LILRA5: variants seen among roughly 807,000 people sequenced by gnomAD.
LILRA5 encodes the protein leukocyte immunoglobulin-like receptor subfamily A member 5.
Under a neutral mutation model 36.3 loss-of-function variants are expected in LILRA5, and 31 were observed. The observed-to-expected ratio is 0.85, with a 90% CI of 0.64 to 1.15. LILRA5 has a LOEUF of 1.15. Among genes scored for constraint, LILRA5 ranks in the 50% most tolerant of loss-of-function variants. The pLI, the probability that LILRA5 is intolerant of heterozygous loss-of-function variation, is 0.00. For synonymous variants in LILRA5, 144 were observed against 144.8 expected (o/e 0.99, Z 0.04); for missense variants, 348 against 377.4 (o/e 0.92, Z 0.64).
chr19:54,309,956 T>A (rs2080974672), intron 5 of LILRA5: 1 of 250,390 alleles, frequency 4.0e-6, no homozygotes, highest in Non-Finnish European at 7.9e-6. Flanking sequence ...GGCCTCCAGG[T>A]GAGCACAGGA....
chr19:54,310,701 TG>T, intron 5 of LILRA5: 1 of 334,028 alleles, frequency 3.0e-6, no homozygotes, highest in Non-Finnish European at 6.1e-6. Flanking sequence ...GAAGTCAGCC[TG>T]GGAGAGCCCA....
chr19:54,312,472 G>T, intron 2 of LILRA5, 65 bp downstream of exon 2: 1 of 1,613,834 alleles, frequency 6.2e-7, no homozygotes, highest in Non-Finnish European at 8.5e-7. Context: ...ATAGACAAGG[G>T]CCTCGTTATG....
At chr19:54,307,815 T>C in intron 5 of LILRA5, 67 bp from the exon 6 acceptor site, 1 of 1,349,610 alleles carries the variant, frequency 7.4e-7, no homozygotes, top group Non-Finnish European at 1.1e-6. Context: ...GCCTCTCCCC[T>C]GAGCTCTGCA....
Position 54,312,463 on chromosome 19 carries a change from T to C in LILRA5, c.88+74A>G. On this transcript the variant is annotated intron_variant, in intron 2 of 6. Coordinates refer to ENST00000432233, the MANE Select transcript of LILRA5 (RefSeq NM_021250.4). ...CTCCTAAAACCCTGGAGTTTCCTGA[T>C]AGACAAGGGCCTCGTTATGGGGTGG... 9 of 1,613,884 alleles carry C rather than the reference T, an allele frequency of 5.6e-6. No individual in the cohort carries two copies. The South Asian group carries it at 7.7e-5, about 14-fold the overall frequency.
In LILRA5 at chr19:54,312,351, C is replaced by A. The variant is rs970748760; in HGVS notation, c.108G>T (p.Arg36Ser). 2 of 1,614,102 alleles carry A rather than the reference C, an allele frequency of 1.2e-6. No individual in the cohort carries two copies. Among genetic ancestry groups the A allele is most frequent in the Non-Finnish European group, 1.7e-6 (2 of 1,180,052 alleles). The change falls in exon 3 of 7, where the codon AGG (arginine) becomes AGT (serine). Residue 36 changes from arginine to serine, a missense_variant. Physicochemically the swap from Arg to Ser is moderately radical, Grantham distance 110. Coordinates refer to ENST00000432233, the MANE Select transcript of LILRA5 (RefSeq NM_021250.4). The stretch of plus-strand genomic sequence containing the variant: ...CAGACTCACCTGCCTGCACGTGGGT[C>A]CTGGGGCCCAGACTCAGCCCTGGAA... Reference protein sequence around the residue: ...LLCLGLSLGPRTHVQAGNLSK... With the variant: ...LLCLGLSLGPSTHVQAGNLSK...
intron 1 of LILRA5, 172 bp downstream of exon 1, chr19:54,312,845 C>T (rs1036688753): frequency 2.3e-6 from 2 of 872,100 alleles, no homozygotes; most frequent in East Asian, 2.6e-5. Flanking sequence ...CCACTGTCTG[C>T]CTGATTTATC....
intron 5 of LILRA5, chr19:54,309,750 C>A (rs934022269): frequency 6.6e-6 from 1 of 152,414 alleles, no homozygotes; most frequent in Non-Finnish European, 1.5e-5. Flanking sequence ...ATCCATATAT[C>A]TTAAAGAGAC....
intron 5 of LILRA5, chr19:54,310,786 T>C: frequency 7.6e-6 from 2 of 262,206 alleles, no homozygotes; most frequent in Non-Finnish European, 1.6e-5. Context: ...ATAGCCAACA[T>C]CAGAGTGATA....
intron 5 of LILRA5, 70 bp from the exon 6 acceptor site, chr19:54,307,818 GC>G: frequency 7.7e-7 from 1 of 1,306,552 alleles, no homozygotes; most frequent in Non-Finnish European, 1.1e-6. Flanking sequence ...TCTCCCCTGA[GC>G]TCTGCATTCT....
In LILRA5 at chr19:54,307,583, A is replaced by C. The variant is rs895934364; in HGVS notation, c.764-34T>G. ...GGTGGACAAAGAGGTCACAGAGGTCAGGGCAGATCAGTATCACCCAGGACC... is the reference window on the plus strand; with the variant it reads ...GGTGGACAAAGAGGTCACAGAGGTCCGGGCAGATCAGTATCACCCAGGACC... On this transcript the variant is annotated intron_variant, in intron 6 of 6. Transcript: ENST00000432233. 2.5e-6 allele frequency: 4 copies of C among 1,613,690 alleles called. No homozygotes were observed. In the African/African-American group the frequency reaches 5.3e-5, roughly 22 times the overall value.
intron 2 of LILRA5, 23 bp downstream of exon 2, chr19:54,312,513 CT>C (rs1569145899): frequency 3.7e-6 from 6 of 1,614,044 alleles, no homozygotes; most frequent in African/African-American, 2.7e-5. Context: ...TAGGGTGCCC[CT>C]TCCCTGAGGC....
Position 54,307,403 on chromosome 19 carries a change from T to C in LILRA5, c.*10A>G, listed in dbSNP as rs774532415. On this transcript the variant is annotated 3_prime_UTR_variant, in exon 7 of 7. Transcript: ENST00000432233. The stretch of plus-strand genomic sequence containing the variant: ...TCCAGCATTCAATGGTGCATTGTTC[T>C]CTCTTCTGTTCACCTTCCAGCTGCA... 6.2e-7 allele frequency: 1 copy of C among 1,601,022 alleles called. No homozygotes were observed. The highest frequency in any genetic ancestry group is 8.5e-7 in the Non-Finnish European group (1 of 1,173,522).
chr19:54,311,058 C>T (rs540488580), intron 5 of LILRA5: 133 of 329,218 alleles, frequency 4.0e-4, no homozygotes, highest in South Asian at 2.3e-3. Context: ...CGGGTTCGAG[C>T]GATTCTCCTG....
chr19:54,307,234 C>A lies in LILRA5; in HGVS notation c.*179G>T, dbSNP rs1404621507. ...ATTCCAGCCTGGTGACAGAGCAAGA[C>A]TCCATCTCAAAAAAAAAAAAAAAAA... is the stretch of plus-strand genomic sequence containing the variant. On this transcript the variant is annotated 3_prime_UTR_variant, in exon 7 of 7. Transcript: ENST00000432233. The A allele has an allele frequency of 9.3e-6, 4 of 430,256 alleles. No individual in the cohort carries two copies. The highest frequency in any genetic ancestry group is 1.4e-5 in the Non-Finnish European group (4 of 287,884). 26.7% of individuals were successfully genotyped at this position (430,256 alleles called of 1,614,324 possible).
In LILRA5 at chr19:54,307,555, G is replaced by A. The variant is rs779818637; in HGVS notation, c.764-6C>T. Reference sequence around the variant, plus strand: ...GTAATCCTGAAGGTGTGAGGCTGGGGATGGTGGACAAAGAGGTCACAGAGG... The same window carrying A: ...GTAATCCTGAAGGTGTGAGGCTGGGAATGGTGGACAAAGAGGTCACAGAGG... On this transcript the variant is annotated splice_polypyrimidine_tract_variant and splice_region_variant and intron_variant, in intron 6 of 6. Transcript: ENST00000432233. 9.3e-6 allele frequency: 15 copies of A among 1,613,872 alleles called. No individual in the cohort carries two copies. The South Asian group carries it at 1.5e-4, about 17-fold the overall frequency.
intron 1 of LILRA5, 28 bp from the exon 2 acceptor site, chr19:54,312,649 G>A: frequency 1.2e-6 from 2 of 1,607,474 alleles, no homozygotes; most frequent in Non-Finnish European, 1.7e-6. Context: ...CACACAGGGT[G>A]TGGCAGCTCG....
Position 54,307,530 on chromosome 19 carries a change from G to A in LILRA5, c.783C>T (p.Tyr261=), listed in dbSNP as rs201689439. ...DSGTASHLQD[Y]AVENLIRMGM... is the part of the protein sequence containing the mutation. The stretch of plus-strand genomic sequence containing the variant: ...CCATGCGGATGAGATTCTCTACTGC[G>A]TAATCCTGAAGGTGTGAGGCTGGGG... The change falls in exon 7 of 7, where the codon TAC becomes TAT. Residue 261 remains tyrosine, a synonymous_variant. Transcript: ENST00000432233. The A allele has an allele frequency of 5.8e-5, 93 of 1,613,878 alleles. No homozygotes were observed. The highest frequency in any genetic ancestry group is 1.8e-4 in the Admixed American group (11 of 59,990).
Position 54,309,386 on chromosome 19 carries a change from AC to A in LILRA5, c.713-1639del, listed in dbSNP as rs1369586417. The A allele has an allele frequency of 2.0e-5, 3 of 152,172 alleles. No individual in the cohort carries two copies. In the East Asian group the frequency reaches 5.8e-4, roughly 29 times the overall value. The allele number at this position is 152,172 out of a possible 1,614,324, so 9.4% of individuals were successfully genotyped here. A position where few individuals can be genotyped will look rare whatever the true frequency, so the allele number is the denominator to read the frequency against. On this transcript the variant is annotated intron_variant, in intron 5 of 6. Transcript: ENST00000432233. ...AGGCTGAGGCAGGACAATGGCGTGA[AC>A]CCAGGAGGCGGAGCTTGCAGTGAGC...
In LILRA5 at chr19:54,312,588, G is replaced by C; in HGVS notation, c.37C>G (p.Pro13Ala). Residue 13 changes from proline to alanine, a missense_variant, in exon 2 of 7, where the codon CCA becomes GCA. Physicochemically the swap from Pro to Ala is conservative, Grantham distance 27 (BLOSUM62 -1). Transcript: ENST00000432233. ...PWSHPSAQLQ[P>A]VGGDAVSPAL... The stretch of plus-strand genomic sequence containing the variant: ...GGGCTCACGGCGTCTCCTCCCACTG[G>C]CTGCAGCTGTGCAGATGGATGAGAC... The C allele has an allele frequency of 1.2e-6, 2 of 1,614,182 alleles. No individual in the cohort carries two copies. Among genetic ancestry groups the C allele is most frequent in the Non-Finnish European group, 8.5e-7 (1 of 1,180,020 alleles).
Sources: gnomAD v4.1 joint callset for allele counts on GRCh38, gnomAD v4.1.1 for gene constraint, MANE v1.5 for transcripts, NCBI Gene and HGNC (gene_info 2026-07-23, HGNC 2026-07-21) for gene names.